Variants in FOXP2 observed in about 807,000 individuals in gnomAD.
FOXP2 encodes the protein forkhead box protein P2.
FOXP2 carries 12 observed loss-of-function variants against 115.8 expected under a neutral mutation model. The ratio of observed to expected loss-of-function variants is 0.10; its 90% CI spans 0.07 to 0.17. The LOEUF is 0.17. Ranked by LOEUF, FOXP2 falls within the 10% of genes least tolerant of loss-of-function variation. FOXP2 has a pLI of 1.00. For synonymous variants in FOXP2, 328 were observed against 297.7 expected (o/e 1.10, Z -1.05); for missense variants, 629 against 843.5 (o/e 0.75, Z 3.15).
chr7:114,653,599 GGACTTTAAAGA>G (rs1806406813), intron 9 of FOXP2: 1 of 366,670 alleles, frequency 2.7e-6, no homozygotes, highest in Admixed American at 3.7e-5. Context: ...AGTGTCCACA[GGACTTTAAAGA>G]GACACCATGG....
chr7:114,515,903 T>C (rs1032682160), intron 2 of FOXP2, among the ~76,000 whole-genome samples: 6 of 152,012 alleles, frequency 3.9e-5, no homozygotes, highest in African/African-American at 1.2e-4. Context: ...CTCAATGAAA[T>C]AAAAGAGGTT....
At chr7:114,306,083 A>G (rs1797007900) in intron 2 of FOXP2, among the ~76,000 whole-genome samples, 1 of 152,124 alleles carries the variant, frequency 6.6e-6, no homozygotes, top group South Asian at 2.1e-4. Context: ...GGTGGTTTGG[A>G]GAATGGAAAT....
chr7:114,591,800 T>C (rs1231098994), intron 3 of FOXP2, among the ~76,000 whole-genome samples: 5 of 152,094 alleles, frequency 3.3e-5, no homozygotes, highest in African/African-American at 7.2e-5. Flanking sequence ...AGGTCGAGTG[T>C]TCTCTCCCAA....
intron 1 of FOXP2, among the ~76,000 whole-genome samples, chr7:114,195,464 T>C (rs1020257358): frequency 1.3e-5 from 2 of 152,180 alleles, no homozygotes; most frequent in African/African-American, 2.4e-5. Flanking sequence ...TATATATGTG[T>C]ATGATGTTTA....
At chr7:114,424,269 A>G (rs1793741263) in intron 1 of FOXP2, among the ~76,000 whole-genome samples, 1 of 151,426 alleles carries the variant, frequency 6.6e-6, no homozygotes, top group African/African-American at 2.4e-5. Context: ...GAGATTTACT[A>G]CACAAAGGTT....
chr7:114,578,046 A>G (rs1169486737), intron 3 of FOXP2, among the ~76,000 whole-genome samples: 1 of 152,022 alleles, frequency 6.6e-6, no homozygotes, highest in Non-Finnish European at 1.5e-5. Context: ...AGTGTATCAT[A>G]TACATATACC....
At chr7:114,645,174 A>G (rs1178990256) in intron 8 of FOXP2, 2 of 107,056 alleles carry the variant, frequency 1.9e-5, no homozygotes, top group Non-Finnish European at 3.8e-5. Flanking sequence ...ATATATATAT[A>G]TATATTTCAG....
chr7:114,234,274 A>C (rs1794955579), intron 1 of FOXP2, among the ~76,000 whole-genome samples: 1 of 152,192 alleles, frequency 6.6e-6, no homozygotes. Flanking sequence ...GTAGTCCCAG[A>C]GAGAAGCATC....
At chr7:114,585,246 A>G (rs1301160786) in intron 3 of FOXP2, among the ~76,000 whole-genome samples, 1 of 152,212 alleles carries the variant, frequency 6.6e-6, no homozygotes, top group Non-Finnish European at 1.5e-5. Flanking sequence ...AAACTTGCGT[A>G]GCCATCAGGG....
chr7:114,347,437 G>A (rs1440563605), intron 2 of FOXP2, among the ~76,000 whole-genome samples: 3 of 151,840 alleles, frequency 2.0e-5, no homozygotes, highest in South Asian at 4.1e-4. Flanking sequence ...TCATACATTA[G>A]CACTACCAGT....
chr7:114,535,052 A>G (rs1438586572), intron 3 of FOXP2, among the ~76,000 whole-genome samples: 6 of 151,766 alleles, frequency 4.0e-5, no homozygotes, highest in Non-Finnish European at 8.8e-5. Context: ...TTATAGTAAA[A>G]TGGTGTGGAA....
intron 1 of FOXP2, among the ~76,000 whole-genome samples, chr7:114,208,120 C>G (rs1289645374): frequency 1.3e-5 from 2 of 152,170 alleles, no homozygotes; most frequent in Non-Finnish European, 2.9e-5. Context: ...CACAGACACT[C>G]AACACCAGCC....
chr7:114,399,946 C>A (rs1584695139), intron 2 of FOXP2, among the ~76,000 whole-genome samples: 2 of 151,076 alleles, frequency 1.3e-5, no homozygotes, highest in South Asian at 4.2e-4. Context: ...AACCTCCGCC[C>A]CCCGAGTTCA....
intron 3 of FOXP2, among the ~76,000 whole-genome samples, chr7:114,586,762 A>G (rs1802155426): frequency 6.6e-6 from 1 of 152,136 alleles, no homozygotes; most frequent in African/African-American, 2.4e-5. Flanking sequence ...GTTTCCCTCA[A>G]AACAGTCATT....
intron 2 of FOXP2, among the ~76,000 whole-genome samples, chr7:114,334,432 A>G (rs1438981707): frequency 6.6e-6 from 1 of 152,126 alleles, no homozygotes; most frequent in Non-Finnish European, 1.5e-5. Context: ...AATGATAAAT[A>G]GAGCAGGGAT....
At chr7:114,689,103 C>T (rs1473394534) in intron 16 of FOXP2, among the ~76,000 whole-genome samples, 1 of 152,110 alleles carries the variant, frequency 6.6e-6, no homozygotes, top group African/African-American at 2.4e-5. Context: ...TAAACTTCAG[C>T]ATATACGTTG....
intron 3 of FOXP2, chr7:114,561,334 C>T (rs1210205493): frequency 2.6e-5 from 4 of 151,968 alleles, no homozygotes; most frequent in Non-Finnish European, 5.9e-5. Context: ...TCTTTCAACA[C>T]CAAGGAAACT....
chr7:114,411,736 TCTTG>T (rs1173124932), upstream of FOXP2, among the ~76,000 whole-genome samples: 1 of 152,124 alleles, frequency 6.6e-6, no homozygotes, highest in Non-Finnish European at 1.5e-5. Context: ...ATTCGATGTG[TCTTG>T]CTTATAGATC....
chr7:114,310,269 G>A (rs768230149), intron 2 of FOXP2, among the ~76,000 whole-genome samples: 1 of 152,304 alleles, frequency 6.6e-6, no homozygotes, highest in Non-Finnish European at 1.5e-5. Context: ...TAGGGTGAAT[G>A]TCTCCCCCAG....
Sources: gnomAD v4.1 joint callset for allele counts (sites outside exome capture counted in the v4.1 genomes callset) on GRCh38, gnomAD v4.1.1 for gene constraint, MANE v1.5 for transcripts, NCBI Gene and HGNC (gene_info 2026-07-23, HGNC 2026-07-21) for gene names.